Variants in PPFIA4 observed in about 807,000 individuals in gnomAD.
The protein encoded by PPFIA4 is liprin-alpha-4.
Under a neutral mutation model 145.7 loss-of-function variants are expected in PPFIA4, and 98 were observed. That is an observed-to-expected ratio of 0.67 (90% CI 0.57 to 0.80). The LOEUF is 0.80. PPFIA4 is among the 30% of genes least tolerant of loss of function. PPFIA4 has a pLI of 0.00. For synonymous variants in PPFIA4, 628 were observed against 649.6 expected (o/e 0.97, Z 0.51); for missense variants, 1,457 against 1,632.7 (o/e 0.89, Z 1.85).
Position 203,070,585 on chromosome 1 carries a change from C to CAAAA in PPFIA4, c.3325-1089_3325-1086dup, listed in dbSNP as rs571325182. ...CAACAGAATGAGACCCTGTCTCCCTCAAAAAAAAAAAAAAAAAAAAAGGTT... is the reference window on the plus strand; with the variant it reads ...CAACAGAATGAGACCCTGTCTCCCTCAAAAAAAAAAAAAAAAAAAAAAAAAGGTT... On this transcript the variant is annotated intron_variant, in intron 27 of 29. Coordinates refer to ENST00000295706, the MANE Select transcript of PPFIA4 (RefSeq NM_001304331.2). 6.1e-3 allele frequency among the ~76,000 whole-genome samples: 475 copies of CAAAA among 77,494 alleles called. 12 individuals carry two copies. Among genetic ancestry groups the CAAAA allele is most frequent in the Admixed American group, 0.057 (352 of 6,128 alleles). The allele number at this position is 77,494 out of a possible 152,430, so 50.8% of individuals were successfully genotyped here. A position where few individuals can be genotyped will look rare whatever the true frequency, so the allele number is the denominator to read the frequency against.
In PPFIA4 at chr1:203,044,192, G is replaced by C. The variant is rs917177443; in HGVS notation, c.501+97G>C. On this transcript the variant is annotated intron_variant, in intron 4 of 29. Transcript: ENST00000295706. ...GATTTCCACATCCGGTATTTAGGGA[G>C]CACTGGCTCCCTCCAAACATTGTCT... is the stretch of plus-strand genomic sequence containing the variant. The C allele has an allele frequency of 1.3e-5, 17 of 1,353,576 alleles. No homozygotes were observed. In the Admixed American group the frequency reaches 1.4e-4, roughly 11 times the overall value. The allele number at this position is 1,353,576 out of a possible 1,614,324, so 83.8% of individuals were successfully genotyped here.
rs1319701998 is a variant in PPFIA4 at position 203,055,592 on chromosome 1, C to G, written c.1990C>G (p.Pro664Ala). 6.2e-7 allele frequency: 1 copy of G among 1,614,028 alleles called. No individual in the cohort carries two copies. Among genetic ancestry groups the G allele is most frequent in the East Asian group, 2.2e-5 (1 of 44,890 alleles). ...CCTGTCCCTGGCCAGCGCGTCCCCA[C>G]CACTCAGCGGCCGCTCCACACCTAA... ...TALSLASASP[P>A]LSGRSTPKLT... is the part of the protein sequence containing the mutation. Residue 664 changes from proline (P) to alanine (A), a missense_variant, in exon 16 of 30, where the codon CCA (proline) becomes GCA (alanine). Physicochemically the swap from Pro to Ala is conservative, Grantham distance 27. Coordinates refer to ENST00000295706, the MANE Select transcript of PPFIA4 (RefSeq NM_001304331.2). The surrounding 1 kb of genome is among the most constrained non-coding windows in gnomAD (Gnocchi z 4.8).
At chr1:203,049,443 AC>A (rs932723326) in intron 12 of PPFIA4, among the ~76,000 whole-genome samples, 2 of 151,470 alleles carry the variant, frequency 1.3e-5, no homozygotes, top group Non-Finnish European at 2.9e-5. Context: ...CCCCAGACAG[AC>A]CCCCTCCTGG....
chr1:203,061,645 CT>C lies in PPFIA4; in HGVS notation c.2848-6del. On this transcript the variant is annotated splice_polypyrimidine_tract_variant and splice_region_variant and intron_variant, in intron 23 of 29. Coordinates refer to ENST00000295706, the MANE Select transcript of PPFIA4 (RefSeq NM_001304331.2). ...TTCCCCTAACACGCTGCACTCGTTC[CT>C]GCTAGGACAGTGAGGAGGGCAGCTG... 6.4e-7 allele frequency: 1 copy of C among 1,564,464 alleles called. No homozygotes were observed. The highest frequency in any genetic ancestry group is 8.7e-7 in the Non-Finnish European group (1 of 1,154,288).
chr1:203,044,675 C>T (rs1385150696), intron 5 of PPFIA4, 21 bp from the exon 6 acceptor site: 2 of 1,543,118 alleles, frequency 1.3e-6, no homozygotes, highest in Non-Finnish European at 1.7e-6. Flanking sequence ...GACTCATTGC[C>T]CTGGGGCTTG....
At chr1:203,049,930 C>A (rs953310216) in intron 13 of PPFIA4, among the ~76,000 whole-genome samples, 163 bp downstream of exon 13, 4 of 152,236 alleles carry the variant, frequency 2.6e-5, no homozygotes, top group Non-Finnish European at 5.9e-5. Flanking sequence ...ACCCAGCTTA[C>A]TTGGGCAGTT....
intron 1 of PPFIA4, chr1:203,035,495 C>T (rs1659175095): frequency 6.5e-6 from 2 of 307,792 alleles, no homozygotes; most frequent in African/African-American, 3.5e-5. Context: ...TTGTCCAATC[C>T]CCCACCCCCA....
rs140014114 is a variant in PPFIA4 at position 203,071,891 on chromosome 1, G to A, written c.3393+131G>A. On this transcript the variant is annotated intron_variant, in intron 28 of 29. Coordinates refer to ENST00000295706, the MANE Select transcript of PPFIA4 (RefSeq NM_001304331.2). ...TATGGGAGGAGAGCCAGAGGGGATG[G>A]GGATAATGTCAGGGGGTTGAGGAGG... is the stretch of plus-strand genomic sequence containing the variant. The A allele has an allele frequency of 6.4e-3, 5,149 of 801,676 alleles. 34 individuals carry two copies. The highest frequency in any genetic ancestry group is 9.3e-3 in the Non-Finnish European group (4,434 of 475,086). The allele number at this position is 801,676 out of a possible 1,614,324, so 49.7% of individuals were successfully genotyped here. A position where few individuals can be genotyped will look rare whatever the true frequency, so the allele number is the denominator to read the frequency against.
At chr1:203,064,130 C>A in intron 25 of PPFIA4, 127 bp downstream of exon 25, 1 of 1,006,002 alleles carries the variant, frequency 9.9e-7, no homozygotes, top group Non-Finnish European at 1.4e-6. Flanking sequence ...AACAGGTCTC[C>A]CCCTTGGGAA....
rs1395766803 is a variant in PPFIA4 at position 203,044,903 on chromosome 1, T to A, written c.666+118T>A. Reference sequence around the variant, plus strand: ...CTTGAATTAAATTTGAGGCTTTCTCTGATATTCCCCCTTCTCTTTTCTTCT... The same window carrying A: ...CTTGAATTAAATTTGAGGCTTTCTCAGATATTCCCCCTTCTCTTTTCTTCT... On this transcript the variant is annotated intron_variant, in intron 6 of 29. Coordinates refer to ENST00000295706, the MANE Select transcript of PPFIA4 (RefSeq NM_001304331.2). The A allele has an allele frequency of 4.8e-6, 4 of 837,062 alleles. No individual in the cohort carries two copies. In the African/African-American group the frequency reaches 6.8e-5, roughly 14 times the overall value. 51.9% of individuals were successfully genotyped at this position (837,062 alleles called of 1,614,324 possible). A position where few individuals can be genotyped will look rare whatever the true frequency, so the allele number is the denominator to read the frequency against.
At chr1:203,059,088 G>A in intron 19 of PPFIA4, 90 bp from the exon 20 acceptor site, 2 of 1,031,912 alleles carry the variant, frequency 1.9e-6, no homozygotes, top group Non-Finnish European at 2.9e-6. Flanking sequence ...CTGCCAAGGA[G>A]CCTCCTGCTG....
At chr1:203,070,319 G>T (rs1422352123) in intron 27 of PPFIA4, among the ~76,000 whole-genome samples, 1 of 152,092 alleles carries the variant, frequency 6.6e-6, no homozygotes, top group Non-Finnish European at 1.5e-5. Flanking sequence ...GGTAGCTCAG[G>T]CCTGTATGCT....
chr1:203,055,304 G>A lies in PPFIA4; in HGVS notation c.1830-128G>A, dbSNP rs1208947810. 13 of 1,249,372 alleles carry A rather than the reference G, an allele frequency of 1.0e-5. No individual in the cohort carries two copies. In the East Asian group the frequency reaches 2.4e-4, roughly 23 times the overall value. The allele number at this position is 1,249,372 out of a possible 1,614,324, so 77.4% of individuals were successfully genotyped here. ...GAGATGTGTTTCTAAGCTCCAGTGGGACAGACAAAGCCTGGCGGGTGTACA... is the reference window on the plus strand; with the variant it reads ...GAGATGTGTTTCTAAGCTCCAGTGGAACAGACAAAGCCTGGCGGGTGTACA... On this transcript the variant is annotated intron_variant, in intron 15 of 29. Transcript: ENST00000295706. The surrounding 1 kb of genome is among the most constrained non-coding windows in gnomAD (Gnocchi z 4.8).
intron 9 of PPFIA4, among the ~76,000 whole-genome samples, chr1:203,047,028 G>T (rs1057481861): frequency 6.6e-6 from 1 of 152,236 alleles, no homozygotes; most frequent in African/African-American, 2.4e-5. Context: ...ACATGCAGGG[G>T]TTAATCAAAA....
At chr1:203,052,202 C>T (rs115819936) in intron 14 of PPFIA4, among the ~76,000 whole-genome samples, 3 of 152,024 alleles carry the variant, frequency 2.0e-5, no homozygotes, top group East Asian at 3.9e-4. Context: ...GGGAGCTTCA[C>T]GGGTAAGATG....
chr1:203,034,756 T>G (rs1429279289), intron 1 of PPFIA4: 1 of 455,152 alleles, frequency 2.2e-6, no homozygotes, highest in East Asian at 7.0e-5. Flanking sequence ...GGAGCTGTCC[T>G]CCGGCTGCCA....
chr1:203,044,003 C>T lies in PPFIA4; in HGVS notation c.409C>T (p.Gln137Ter). ...ACTGCGGATGACTGTGGTGAAGCGCCAGGCCCAGTCACCTTCGGGGGTCTC... is the reference window on the plus strand; with the variant it reads ...ACTGCGGATGACTGTGGTGAAGCGCTAGGCCCAGTCACCTTCGGGGGTCTC... ...RSLRMTVVKR[Q>*]AQSPSGVSSE... The change falls in exon 4 of 30, where the codon CAG (glutamine) becomes TAG (stop). Residue 137 changes from glutamine to a stop codon, truncating the protein, a stop_gained. Transcript: ENST00000295706. LOFTEE classifies it high-confidence loss of function. 6.2e-7 allele frequency: 1 copy of T among 1,612,402 alleles called. No homozygotes were observed. Among genetic ancestry groups the T allele is most frequent in the South Asian group, 1.1e-5 (1 of 91,034 alleles).
At chr1:203,049,439 A>AC (rs1380465668) in intron 12 of PPFIA4, among the ~76,000 whole-genome samples, 1 of 152,144 alleles carries the variant, frequency 6.6e-6, no homozygotes, top group African/African-American at 2.4e-5. Context: ...CCCTCCCCAG[A>AC]CAGACCCCCT....
intron 28 of PPFIA4, among the ~76,000 whole-genome samples, chr1:203,073,165 T>C (rs1431408203): frequency 6.6e-6 from 1 of 152,226 alleles, no homozygotes; most frequent in Non-Finnish European, 1.5e-5. Context: ...TCTCACTTTA[T>C]GGTAATGATC....
Sources: gnomAD v4.1 joint callset for allele counts (sites outside exome capture counted in the v4.1 genomes callset) on GRCh38, gnomAD v4.1.1 for gene constraint, Gnocchi (gnomAD v3.1) non-coding constraint, MANE v1.5 for transcripts, NCBI Gene and HGNC (gene_info 2026-07-23, HGNC 2026-07-21) for gene names.